The following B3GALT1 variants were observed in gnomAD, a reference collection of about 807,000 sequenced individuals.
B3GALT1 encodes the protein beta-1,3-galactosyltransferase 1.
Under a neutral mutation model 23.2 loss-of-function variants are expected in B3GALT1, and 10 were observed. The ratio of observed to expected loss-of-function variants is 0.43; its 90% CI spans 0.27 to 0.73. B3GALT1 has a LOEUF of 0.73. B3GALT1 is among the 30% of genes least tolerant of loss of function. B3GALT1 has a pLI of 0.21. For missense variants in B3GALT1, 299 were observed against 405.4 expected (o/e 0.74, Z 2.25); for synonymous variants, 156 against 141.5 (o/e 1.10, Z -0.73).
chr2:167,395,718 A>G (rs1408019016), intron 1 of B3GALT1, among the ~76,000 whole-genome samples: 11 of 152,316 alleles, frequency 7.2e-5, no homozygotes, highest in Non-Finnish European at 1.5e-4. Flanking sequence ...AAACTGCTTT[A>G]TAATGATGAA....
At chr2:167,463,219 A>G (rs909376423) in intron 1 of B3GALT1, among the ~76,000 whole-genome samples, 2 of 151,978 alleles carry the variant, frequency 1.3e-5, no homozygotes, top group African/African-American at 4.8e-5. Context: ...TCTGGGCCAA[A>G]TTTTAAGATC....
At chr2:167,725,175 T>C (rs1687292572) in intron 3 of B3GALT1, among the ~76,000 whole-genome samples, 1 of 152,152 alleles carries the variant, frequency 6.6e-6, no homozygotes, top group Non-Finnish European at 1.5e-5. Flanking sequence ...AAAACCCTAA[T>C]GTCTGTCATC....
intron 1 of B3GALT1, among the ~76,000 whole-genome samples, chr2:167,393,039 C>T (rs1698040276): frequency 6.6e-6 from 1 of 152,114 alleles, no homozygotes; most frequent in Middle Eastern, 3.4e-3. Context: ...TCAAGACCAT[C>T]CTGGCTAACA....
chr2:167,451,854 T>C (rs1262984795), intron 1 of B3GALT1, among the ~76,000 whole-genome samples: 1 of 152,152 alleles, frequency 6.6e-6, no homozygotes, highest in Non-Finnish European at 1.5e-5. Context: ...TGGACAGGGC[T>C]TGCCGTGGCT....
chr2:167,864,976 AAAG>A (rs1188571379), intron 4 of B3GALT1, among the ~76,000 whole-genome samples: 4 of 152,178 alleles, frequency 2.6e-5, no homozygotes, highest in African/African-American at 7.2e-5. Flanking sequence ...TTAAAAAAAA[AAAG>A]GTGTTTATAA....
chr2:167,827,941 C>T (rs1244974689), intron 4 of B3GALT1, among the ~76,000 whole-genome samples: 8 of 152,112 alleles, frequency 5.3e-5, no homozygotes, highest in Non-Finnish European at 1.0e-4. Flanking sequence ...GCAACAAACC[C>T]GTCACAACCA....
intron 3 of B3GALT1, among the ~76,000 whole-genome samples, chr2:167,727,451 C>T (rs1017634278): frequency 6.6e-6 from 1 of 152,090 alleles, no homozygotes; most frequent in Non-Finnish European, 1.5e-5. Context: ...TTTGGGGTGT[C>T]GGGCACTGTT....
chr2:167,835,597 G>A (rs1297930147), intron 4 of B3GALT1, among the ~76,000 whole-genome samples: 1 of 152,200 alleles, frequency 6.6e-6, no homozygotes, highest in African/African-American at 2.4e-5. Flanking sequence ...CTCCACCTCT[G>A]GGGGCAGGGC....
At chr2:167,611,172 C>T (rs114591651) in intron 2 of B3GALT1, among the ~76,000 whole-genome samples, 2,862 of 151,916 alleles carry the variant, frequency 0.019, 50 homozygotes, top group Non-Finnish European at 0.022. Flanking sequence ...ATCCTACTAT[C>T]GAGAACCAGT....
At chr2:167,552,686 C>T (rs1489526377) in intron 2 of B3GALT1, among the ~76,000 whole-genome samples, 3 of 152,154 alleles carry the variant, frequency 2.0e-5, no homozygotes, top group African/African-American at 4.8e-5. Context: ...AGTTGCCTTT[C>T]AGTGAGTTTG....
At chr2:167,526,982 A>G (rs1683230849) in intron 2 of B3GALT1, among the ~76,000 whole-genome samples, 1 of 152,138 alleles carries the variant, frequency 6.6e-6, no homozygotes, top group African/African-American at 2.4e-5. Context: ...TATATACCGT[A>G]TATACTGTTC....
chr2:167,637,034 T>G (rs1311319916), intron 2 of B3GALT1, among the ~76,000 whole-genome samples: 1 of 151,900 alleles, frequency 6.6e-6, no homozygotes, highest in Non-Finnish European at 1.5e-5. Context: ...TATGCCCTTA[T>G]GGCTGCTCCC....
intron 1 of B3GALT1, among the ~76,000 whole-genome samples, chr2:167,469,842 T>C (rs1699399737): frequency 1.3e-5 from 2 of 152,176 alleles, no homozygotes. Flanking sequence ...GAAAAAACTA[T>C]GGTCAGCATT....
intron 3 of B3GALT1, among the ~76,000 whole-genome samples, chr2:167,745,494 A>G (rs545921482): frequency 1.2e-4 from 18 of 152,078 alleles, no homozygotes; most frequent in Non-Finnish European, 2.1e-4. Context: ...TAGAAACTCC[A>G]TTTTGTTGTT....
At chr2:167,379,933 G>A (rs982448098) in intron 1 of B3GALT1, among the ~76,000 whole-genome samples, 2 of 152,236 alleles carry the variant, frequency 1.3e-5, no homozygotes, top group African/African-American at 2.4e-5. Context: ...TGCATGTAGA[G>A]GAGAGGGCCC....
At chr2:167,298,252 T>C (rs1696389175) in intron 1 of B3GALT1, among the ~76,000 whole-genome samples, 1 of 152,132 alleles carries the variant, frequency 6.6e-6, no homozygotes, top group Non-Finnish European at 1.5e-5. Flanking sequence ...AGGAAGTTGA[T>C]ATTTATTGCC....
At chr2:167,379,266 G>A (rs752024452) in intron 1 of B3GALT1, among the ~76,000 whole-genome samples, 3 of 151,872 alleles carry the variant, frequency 2.0e-5, no homozygotes, top group Non-Finnish European at 2.9e-5. Flanking sequence ...TGGGGGAAAC[G>A]GCCCCCATGA....
At chr2:167,310,145 T>C (rs2105485534) in intron 1 of B3GALT1, among the ~76,000 whole-genome samples, 1 of 152,214 alleles carries the variant, frequency 6.6e-6, no homozygotes, top group African/African-American at 2.4e-5. Flanking sequence ...CAAGAATATA[T>C]AAAAGATTTT....
Position 167,712,956 on chromosome 2 carries a change from T to C in B3GALT1, c.-352+65990T>C, listed in dbSNP as rs1178491886. Among the ~76,000 whole-genome samples, 10 of 152,330 alleles carry C rather than the reference T, an allele frequency of 6.6e-5. No homozygotes were observed. The East Asian group carries it at 1.9e-3, about 29-fold the overall frequency. On this transcript the variant is annotated intron_variant, in intron 3 of 4. Transcript: ENST00000392690. ...GGGGGAAAAATACCATGTCAAGGGG[T>C]GAAATCAGTGACCATTTTGGATAAT... is the stretch of plus-strand genomic sequence containing the variant.
Sources: allele counts gnomAD v4.1 joint callset (sites outside exome capture counted in the v4.1 genomes callset), GRCh38; gene constraint gnomAD v4.1.1; transcripts MANE v1.5; gene names NCBI Gene and HGNC (gene_info 2026-07-23, HGNC 2026-07-21).